The following TRAF3IP1 variants were observed in gnomAD, a reference collection of about 807,000 sequenced individuals.
TRAF3IP1 encodes intraflagellar transport 54, also known as TRAF3-interacting protein 1.
TRAF3IP1 carries 53 observed loss-of-function variants against 89.9 expected under a neutral mutation model. The ratio of observed to expected loss-of-function variants is 0.59; its 90% CI spans 0.47 to 0.74. The LOEUF is 0.74. Ranked by LOEUF, TRAF3IP1 falls within the 30% of genes least tolerant of loss-of-function variation. The pLI, the probability that TRAF3IP1 is intolerant of heterozygous loss-of-function variation, is 0.00. For synonymous variants in TRAF3IP1, 311 were observed against 322.1 expected, an observed-to-expected ratio of 0.97 and a Z score of 0.37; for missense variants, 806 against 866.1, an observed-to-expected ratio of 0.93 and a Z score of 0.87.
chr2:238,360,463 C>CA (rs1298713137), intron 15 of TRAF3IP1, among the ~76,000 whole-genome samples: 2 of 151,890 alleles, frequency 1.3e-5, no homozygotes, highest in African/African-American at 4.8e-5. Flanking sequence ...CCTGTCTCTA[C>CA]AAAAAAACAA....
chr2:238,335,106 A>G (rs1415925711), intron 7 of TRAF3IP1, among the ~76,000 whole-genome samples: 1 of 152,150 alleles, frequency 6.6e-6, no homozygotes, highest in Non-Finnish European at 1.5e-5. Flanking sequence ...CAGTTTTTGC[A>G]TGAGTGTTTC....
chr2:238,372,990 T>C (rs1321143424), intron 15 of TRAF3IP1, among the ~76,000 whole-genome samples: 1 of 152,234 alleles, frequency 6.6e-6, no homozygotes, highest in Non-Finnish European at 1.5e-5. Context: ...TTTGTTTTTT[T>C]CTTGTAAATT....
In TRAF3IP1 at chr2:238,379,573, A is replaced by G. The variant is rs1405031549; in HGVS notation, c.1690-17886A>G. Among the ~76,000 whole-genome samples, 1 of 152,172 alleles carries G rather than the reference A, an allele frequency of 6.6e-6. No homozygotes were observed. The highest frequency in any genetic ancestry group is 1.9e-4 in the East Asian group (1 of 5,184). On this transcript the variant is annotated intron_variant, in intron 15 of 16. Coordinates refer to ENST00000373327, the MANE Select transcript of TRAF3IP1 (RefSeq NM_015650.4). This position sits in a 1 kb window ranked among gnomAD's most constrained non-coding sequence, Gnocchi z 4.0. The stretch of plus-strand genomic sequence containing the variant: ...GTCCTTAGACTCACTTCTTCTATTC[A>G]TAATTAATTCTGTGACACGTGTTTT...
chr2:238,375,780 A>C (rs1700289685), intron 15 of TRAF3IP1, among the ~76,000 whole-genome samples: 1 of 152,222 alleles, frequency 6.6e-6, no homozygotes. Flanking sequence ...GTCGGTTAAG[A>C]AATCCTTCTG....
chr2:238,342,919 A>G (rs1192096153), intron 8 of TRAF3IP1, among the ~76,000 whole-genome samples: 1 of 152,200 alleles, frequency 6.6e-6, no homozygotes, highest in Non-Finnish European at 1.5e-5. Context: ...GCTGTTTTGA[A>G]TAGTTTTAAG....
At chr2:238,337,330 C>G (rs1016163504) in intron 7 of TRAF3IP1, among the ~76,000 whole-genome samples, 11 of 152,100 alleles carry the variant, frequency 7.2e-5, no homozygotes, top group African/African-American at 2.7e-4. Flanking sequence ...GGAGGACATG[C>G]AGGTGTGTGA....
chr2:238,334,484 C>T (rs879526576), intron 7 of TRAF3IP1, among the ~76,000 whole-genome samples: 7 of 151,762 alleles, frequency 4.6e-5, no homozygotes, highest in Non-Finnish European at 8.8e-5. Context: ...AATGTACAGG[C>T]CTGGCCTGCG....
chr2:238,332,091 G>A (rs1698154195), intron 5 of TRAF3IP1, among the ~76,000 whole-genome samples: 1 of 152,224 alleles, frequency 6.6e-6, no homozygotes, highest in Non-Finnish European at 1.5e-5. Flanking sequence ...CACGTGTGCA[G>A]TGCCCAGCTT....
chr2:238,364,002 A>G (rs886370268), intron 15 of TRAF3IP1, among the ~76,000 whole-genome samples: 5 of 152,178 alleles, frequency 3.3e-5, no homozygotes, highest in African/African-American at 9.6e-5. Context: ...TCCTCAAAGC[A>G]TGTATGCTGA....
chr2:238,387,751 A>ACAAAATAC (rs1700833127), intron 15 of TRAF3IP1, among the ~76,000 whole-genome samples: 1 of 152,240 alleles, frequency 6.6e-6, no homozygotes, highest in African/African-American at 2.4e-5. Context: ...CAGAAACGCA[A>ACAAAATAC]ATGAACAAAA....
intron 15 of TRAF3IP1, among the ~76,000 whole-genome samples, chr2:238,388,354 G>A (rs886244343): frequency 1.4e-5 from 2 of 138,958 alleles, no homozygotes; most frequent in Admixed American, 1.5e-4. Context: ...CAGCCTGAGG[G>A]ACAGAGGGAG....
chr2:238,360,683 A>T (rs1283476098), intron 15 of TRAF3IP1, among the ~76,000 whole-genome samples: 1 of 152,124 alleles, frequency 6.6e-6, no homozygotes, highest in Non-Finnish European at 1.5e-5. Flanking sequence ...GGAGATTGAG[A>T]CCATCCTGGC....
intron 8 of TRAF3IP1, among the ~76,000 whole-genome samples, chr2:238,342,876 A>G (rs1016053208): frequency 1.3e-5 from 2 of 152,238 alleles, no homozygotes; most frequent in Admixed American, 6.5e-5. Context: ...AAACAGTTAT[A>G]TGATAGTTAA....
intron 15 of TRAF3IP1, among the ~76,000 whole-genome samples, chr2:238,392,473 G>A (rs879857911): frequency 4.6e-5 from 7 of 152,006 alleles, no homozygotes; most frequent in Middle Eastern, 3.2e-3. Flanking sequence ...AGAATCTTGT[G>A]TAAAAGGAAT....
At chr2:238,328,577 A>G in intron 3 of TRAF3IP1, 109 bp from the exon 4 acceptor site, 1 of 1,295,320 alleles carries the variant, frequency 7.7e-7, no homozygotes, top group Non-Finnish European at 1.1e-6. Context: ...ATTTCATTGT[A>G]GACAGAGAAT....
intron 8 of TRAF3IP1, among the ~76,000 whole-genome samples, chr2:238,343,491 C>G (rs1448793973): frequency 2.0e-5 from 3 of 152,090 alleles, no homozygotes; most frequent in Non-Finnish European, 4.4e-5. Context: ...ACGTGATTCT[C>G]TTGCCTCAGC....
At chr2:238,361,036 TTTA>T (rs1364901572) in intron 15 of TRAF3IP1, among the ~76,000 whole-genome samples, 2 of 152,066 alleles carry the variant, frequency 1.3e-5, no homozygotes, top group East Asian at 3.9e-4. Context: ...ACTTTGCCTT[TTTA>T]TTTAAAAAAC....
At chr2:238,361,719 G>A (rs1699669626) in intron 15 of TRAF3IP1, among the ~76,000 whole-genome samples, 1 of 152,096 alleles carries the variant, frequency 6.6e-6, no homozygotes, top group Non-Finnish European at 1.5e-5. Flanking sequence ...GACTCTCCAG[G>A]TTGTCTTGAT....
At chr2:238,394,887 G>C (rs1701141856) in intron 15 of TRAF3IP1, among the ~76,000 whole-genome samples, 3 of 152,180 alleles carry the variant, frequency 2.0e-5, no homozygotes, top group Admixed American at 2.0e-4. Flanking sequence ...CTGCCCTCCT[G>C]AGCCCACAGT....
Sources: gnomAD v4.1 joint callset for allele counts (sites outside exome capture counted in the v4.1 genomes callset) on GRCh38, gnomAD v4.1.1 for gene constraint, Gnocchi (gnomAD v3.1) non-coding constraint, MANE v1.5 for transcripts, NCBI Gene and HGNC (gene_info 2026-07-23, HGNC 2026-07-21) for gene names.